ANGPT1: variants seen among roughly 807,000 people sequenced by gnomAD.
The protein encoded by ANGPT1 is angiopoietin-1.
A neutral mutation model predicts 62.2 loss-of-function variants in ANGPT1; 17 were observed. That is an observed-to-expected ratio of 0.27 (90% confidence interval 0.19 to 0.41). The LOEUF (loss-of-function observed/expected upper bound fraction) is 0.41, where lower values mean the gene tolerates loss of function less well. ANGPT1 is among the 10% of genes least tolerant of loss of function. The pLI is 1.00. For synonymous variants in ANGPT1, 199 were observed against 198.9 expected, an observed-to-expected ratio of 1.00 and a Z score of 0.00; for missense variants, 478 against 594.9, an observed-to-expected ratio of 0.80 and a Z score of 2.04.
At chr8:107,485,655 T>C (rs962335334) in intron 1 of ANGPT1, among the ~76,000 whole-genome samples, 2 of 152,208 alleles carry the variant, frequency 1.3e-5, no homozygotes, top group Non-Finnish European at 2.9e-5. Context: ...GGTCATTGCC[T>C]AAGGAAACAA....
intron 2 of ANGPT1, among the ~76,000 whole-genome samples, chr8:107,338,137 C>A (rs1313285145): frequency 6.6e-6 from 1 of 151,864 alleles, no homozygotes; most frequent in Non-Finnish European, 1.5e-5. Context: ...ACCAATAGAC[C>A]CTGGGCTGGA....
intron 1 of ANGPT1, among the ~76,000 whole-genome samples, chr8:107,406,037 A>G (rs1817141792): frequency 6.6e-6 from 1 of 151,920 alleles, no homozygotes; most frequent in Non-Finnish European, 1.5e-5. Context: ...TCATACTTCT[A>G]TGTCCTTGAA....
chr8:107,382,151 T>G (rs895938733), intron 1 of ANGPT1, among the ~76,000 whole-genome samples: 2 of 152,150 alleles, frequency 1.3e-5, no homozygotes, highest in Non-Finnish European at 2.9e-5. Flanking sequence ...ATATTTCAGA[T>G]AGAATAAGAG....
chr8:107,287,601 G>A (rs1237611184), intron 6 of ANGPT1, among the ~76,000 whole-genome samples: 1 of 152,128 alleles, frequency 6.6e-6, no homozygotes, highest in East Asian at 1.9e-4. Context: ...TTATAAAGAT[G>A]AAAAATACGT....
chr8:107,358,795 G>C (rs576253304), intron 1 of ANGPT1, among the ~76,000 whole-genome samples: 1 of 152,182 alleles, frequency 6.6e-6, no homozygotes, highest in South Asian at 2.1e-4. Context: ...CTAAATCCTG[G>C]GTTCTTATGA....
intron 1 of ANGPT1, among the ~76,000 whole-genome samples, chr8:107,392,848 T>C (rs927216836): frequency 3.9e-5 from 6 of 152,226 alleles, no homozygotes; most frequent in African/African-American, 1.4e-4. Context: ...TGGTAAATAA[T>C]CTTTTTATTA....
At chr8:107,463,811 A>G (rs1297407877) in intron 1 of ANGPT1, among the ~76,000 whole-genome samples, 1 of 152,160 alleles carries the variant, frequency 6.6e-6, no homozygotes, top group African/African-American at 2.4e-5. Flanking sequence ...AAAGCTACAT[A>G]AGGATTTCTC....
chr8:107,291,538 A>T (rs372218397), intron 6 of ANGPT1, among the ~76,000 whole-genome samples: 24 of 151,826 alleles, frequency 1.6e-4, no homozygotes, highest in South Asian at 4.2e-4. Context: ...CAGCCTCCCA[A>T]GTAGCTGGGA....
chr8:107,261,928 C>T (rs1317809175), intron 8 of ANGPT1, among the ~76,000 whole-genome samples: 1 of 152,024 alleles, frequency 6.6e-6, no homozygotes, highest in African/African-American at 2.4e-5. Context: ...GGTGTGGTGG[C>T]TCATGCCTGT....
At chr8:107,298,808 C>T (rs1285434879) in intron 5 of ANGPT1, among the ~76,000 whole-genome samples, 1 of 151,704 alleles carries the variant, frequency 6.6e-6, no homozygotes, top group Non-Finnish European at 1.5e-5. Context: ...TTTGATGCTT[C>T]GGTTTTTGTG....
intron 1 of ANGPT1, among the ~76,000 whole-genome samples, chr8:107,495,409 T>G (rs1213038476): frequency 1.3e-5 from 2 of 152,166 alleles, no homozygotes; most frequent in African/African-American, 2.4e-5. Flanking sequence ...TCAAATTTAT[T>G]TTGCAAAATA....
At chr8:107,404,272 G>C (rs1026160361) in intron 1 of ANGPT1, among the ~76,000 whole-genome samples, 1 of 151,854 alleles carries the variant, frequency 6.6e-6, no homozygotes, top group Non-Finnish European at 1.5e-5. Context: ...TAATTCTATG[G>C]TATACATAAA....
chr8:107,379,453 A>T (rs988563948), intron 1 of ANGPT1, among the ~76,000 whole-genome samples: 1 of 152,200 alleles, frequency 6.6e-6, no homozygotes. Flanking sequence ...CAAGCATTAC[A>T]GCACTGTTTG....
intron 2 of ANGPT1, among the ~76,000 whole-genome samples, chr8:107,340,604 A>G (rs1029400301): frequency 2.0e-5 from 3 of 151,762 alleles, no homozygotes; most frequent in African/African-American, 7.3e-5. Context: ...CAGTGGCATG[A>G]CCACAGTCAC....
intron 1 of ANGPT1, among the ~76,000 whole-genome samples, chr8:107,414,216 A>G (rs1366640957): frequency 6.6e-6 from 1 of 152,140 alleles, no homozygotes; most frequent in African/African-American, 2.4e-5. Context: ...GCCCCCAAAC[A>G]AGGGAATCCA....
At chr8:107,452,480 C>CTTTATTTTTATTTT (rs981133862) in intron 1 of ANGPT1, among the ~76,000 whole-genome samples, 2 of 151,296 alleles carry the variant, frequency 1.3e-5, no homozygotes, top group Admixed American at 6.6e-5. Context: ...ACTTTTATTT[C>CTTTATTTTTATTTT]TTTATTTTTA....
At chr8:107,296,103 G>C (rs1275116600) in intron 5 of ANGPT1, among the ~76,000 whole-genome samples, 1 of 152,030 alleles carries the variant, frequency 6.6e-6, no homozygotes, top group Admixed American at 6.6e-5. Context: ...GGAATAATCT[G>C]CTTAAAAGCA....
intron 1 of ANGPT1, among the ~76,000 whole-genome samples, chr8:107,438,284 T>G (rs1811382331): frequency 6.6e-6 from 1 of 152,198 alleles, no homozygotes; most frequent in African/African-American, 2.4e-5. Flanking sequence ...CTTCTCCTTC[T>G]TTGATATCAT....
At chr8:107,455,058 A>C (rs760058500) in intron 1 of ANGPT1, among the ~76,000 whole-genome samples, 1 of 151,980 alleles carries the variant, frequency 6.6e-6, no homozygotes, top group Admixed American at 6.6e-5. Context: ...CTTTTACTCA[A>C]CCTAAAAATA....
Sources: gnomAD v4.1 joint callset for allele counts (sites outside exome capture counted in the v4.1 genomes callset) on GRCh38, gnomAD v4.1.1 for gene constraint, MANE v1.5 for transcripts, NCBI Gene and HGNC (gene_info 2026-07-23, HGNC 2026-07-21) for gene names.